SEZ6L: variants seen among roughly 807,000 people sequenced by gnomAD.
SEZ6L encodes the protein seizure related 6 homolog like.
A neutral mutation model predicts 106.2 loss-of-function variants in SEZ6L; 37 were observed. The ratio of observed to expected loss-of-function variants is 0.35; its 90% CI spans 0.27 to 0.46. The LOEUF is 0.46. Among genes scored for constraint, SEZ6L ranks in the 20% least tolerant of loss-of-function variants. SEZ6L has a pLI of 1.00. For synonymous variants in SEZ6L, 541 were observed against 570.4 expected (o/e 0.95, Z 0.73); for missense variants, 1,172 against 1,332.8 (o/e 0.88, Z 1.88).
chr22:26,244,741 A>AT (rs56218441), intron 1 of SEZ6L: 146,593 of 151,998 alleles, frequency 0.96, 70,935 homozygotes, highest in East Asian at 1. Context: ...CTTCTTTTAT[A>AT]TTTTTCCCCC....
At chr22:26,325,800 G>A (rs2082287637) in intron 9 of SEZ6L, among the ~76,000 whole-genome samples, 1 of 152,050 alleles carries the variant, frequency 6.6e-6, no homozygotes, top group African/African-American at 2.4e-5. Flanking sequence ...ATGTGCAGAA[G>A]CACTTGGCAA....
intron 1 of SEZ6L, among the ~76,000 whole-genome samples, chr22:26,173,435 C>T (rs939581356): frequency 6.6e-6 from 1 of 152,214 alleles, no homozygotes; most frequent in Non-Finnish European, 1.5e-5. Flanking sequence ...AGACACCCTT[C>T]CCTTCCAAAC....
intron 1 of SEZ6L, among the ~76,000 whole-genome samples, chr22:26,236,886 C>A (rs1027565199): frequency 1.3e-5 from 2 of 152,082 alleles, no homozygotes; most frequent in Admixed American, 6.6e-5. Flanking sequence ...CAGAAGCCCC[C>A]ATACACAACA....
intron 11 of SEZ6L, among the ~76,000 whole-genome samples, chr22:26,348,559 A>AAGGAAGGAAGGAAGGAAGGG (rs1451726580): frequency 1.4e-5 from 1 of 70,096 alleles, no homozygotes; most frequent in Non-Finnish European, 2.8e-5. Context: ...GGAAGGAAGG[A>AAGGAAGGAAGGAAGGAAGGG]AGGGAGGAAA....
At chr22:26,270,654 C>A (rs2080335379) in intron 1 of SEZ6L, among the ~76,000 whole-genome samples, 1 of 152,168 alleles carries the variant, frequency 6.6e-6, no homozygotes, top group African/African-American at 2.4e-5. Context: ...AAGATTTGAG[C>A]AATTTTATCT....
chr22:26,303,875 A>G (rs2081528847), intron 5 of SEZ6L, among the ~76,000 whole-genome samples: 1 of 152,190 alleles, frequency 6.6e-6, no homozygotes, highest in African/African-American at 2.4e-5. Context: ...GTGCTTGGGA[A>G]GGAAATATTT....
chr22:26,360,503 G>T (rs575340150), intron 12 of SEZ6L, among the ~76,000 whole-genome samples: 4 of 152,166 alleles, frequency 2.6e-5, no homozygotes, highest in Non-Finnish European at 4.4e-5. Context: ...AATATTTGTT[G>T]TATTAATTCA....
At chr22:26,221,748 A>G (rs1371741543) in intron 1 of SEZ6L, among the ~76,000 whole-genome samples, 4 of 143,160 alleles carry the variant, frequency 2.8e-5, no homozygotes, top group African/African-American at 1.2e-4. Flanking sequence ...GTGCACACAC[A>G]CACACACACA....
rs191722663 is a variant in SEZ6L, at chr22:26,173,190, C to T, written c.94+3427C>T. Among the ~76,000 whole-genome samples the T allele has an allele frequency of 7.9e-5, 12 of 152,290 alleles. No individual in the cohort carries two copies. The East Asian group carries it at 9.6e-4, about 12-fold the overall frequency. ...ATAATGCATGTAAAAGCAGCTGGCA[C>T]GGAGTAGGTGCTCAAGTAATGTTTA... On this transcript the variant is annotated intron_variant, in intron 1 of 16. Transcript: ENST00000248933.
At chr22:26,259,028 G>A (rs184403027) in intron 1 of SEZ6L, among the ~76,000 whole-genome samples, 110 of 152,334 alleles carry the variant, frequency 7.2e-4, no homozygotes, top group African/African-American at 2.5e-3. Flanking sequence ...AGTGGGCATG[G>A]CCCAATGGAG....
At chr22:26,340,667 T>C in intron 10 of SEZ6L, 35 bp downstream of exon 10, 1 of 1,564,408 alleles carries the variant, frequency 6.4e-7, no homozygotes, top group South Asian at 1.2e-5. Flanking sequence ...ATTTTTTCTT[T>C]GTGTTTAGAT....
At chr22:26,316,693 G>A (rs1171642445) in intron 9 of SEZ6L, among the ~76,000 whole-genome samples, 9 of 152,008 alleles carry the variant, frequency 5.9e-5, no homozygotes, top group Non-Finnish European at 1.2e-4. Flanking sequence ...TTAGCCAGGC[G>A]TGGTGGTGGG....
intron 1 of SEZ6L, among the ~76,000 whole-genome samples, chr22:26,271,789 T>G (rs2080378496): frequency 6.6e-6 from 1 of 152,174 alleles, no homozygotes; most frequent in African/African-American, 2.4e-5. Flanking sequence ...ATTAAACCTC[T>G]TTTTTTCTAA....
chr22:26,333,918 C>T (rs1011466891), intron 9 of SEZ6L, among the ~76,000 whole-genome samples: 1 of 152,060 alleles, frequency 6.6e-6, no homozygotes, highest in African/African-American at 2.4e-5. Context: ...CAGAGGTCAC[C>T]AAGAGCATCG....
chr22:26,335,307 G>A (rs1021880316), intron 9 of SEZ6L, among the ~76,000 whole-genome samples: 7 of 152,142 alleles, frequency 4.6e-5, no homozygotes, highest in African/African-American at 1.7e-4. Flanking sequence ...TTTCCTCTGG[G>A]TGAAAGCTGC....
chr22:26,219,844 C>T (rs140931719), intron 1 of SEZ6L, among the ~76,000 whole-genome samples: 91 of 152,198 alleles, frequency 6.0e-4, no homozygotes, highest in African/African-American at 2.0e-3. Context: ...CTAATGCATG[C>T]GGGACTTAAT....
At chr22:26,210,813 T>C (rs562835876) in intron 1 of SEZ6L, among the ~76,000 whole-genome samples, 1 of 152,052 alleles carries the variant, frequency 6.6e-6, no homozygotes, top group African/African-American at 2.4e-5. Context: ...GGAAATATTT[T>C]GTAACACTTT....
chr22:26,253,356 C>T (rs2079675755), intron 1 of SEZ6L, among the ~76,000 whole-genome samples: 1 of 152,126 alleles, frequency 6.6e-6, no homozygotes, highest in South Asian at 2.1e-4. Context: ...GTTGGTGGTA[C>T]TGCTGCTGCT....
In SEZ6L at chr22:26,341,994, C is replaced by A. The variant is rs181128900; in HGVS notation, c.2212+1362C>A. The stretch of plus-strand genomic sequence containing the variant: ...CCCTGTCGTGTTCCAGCAGAAGAAA[C>A]CCTGGACAAGCAAGGATGAAGGGTT... On this transcript the variant is annotated intron_variant, in intron 10 of 16. Transcript: ENST00000248933. 4.0e-3 allele frequency among the ~76,000 whole-genome samples: 614 copies of A among 152,264 alleles called. 8 individuals are homozygous for A. Among genetic ancestry groups the A allele is most frequent in the African/African-American group, 0.014 (587 of 41,546 alleles).
Sources: gnomAD v4.1 joint callset for allele counts (sites outside exome capture counted in the v4.1 genomes callset) on GRCh38, gnomAD v4.1.1 for gene constraint, MANE v1.5 for transcripts, NCBI Gene and HGNC (gene_info 2026-07-23, HGNC 2026-07-21) for gene names.